PTPN22: variants seen among roughly 807,000 people sequenced by gnomAD.
PTPN22 encodes the protein tyrosine-protein phosphatase non-receptor type 22.
A neutral mutation model predicts 103.3 loss-of-function variants in PTPN22; 85 were observed. The ratio of observed to expected loss-of-function variants is 0.82; its 90% CI spans 0.69 to 0.99. PTPN22 has a LOEUF of 0.99. Among genes scored for constraint, PTPN22 ranks in the 50% least tolerant of loss-of-function variants. The pLI is 0.00. For synonymous variants in PTPN22, 323 were observed against 310.2 expected, an observed-to-expected ratio of 1.04 and a Z score of -0.43; for missense variants, 865 against 936.9, an observed-to-expected ratio of 0.92 and a Z score of 1.00.
intron 11 of PTPN22, among the ~76,000 whole-genome samples, chr1:113,845,822 T>C (rs1390196528): frequency 1.3e-5 from 2 of 152,238 alleles, no homozygotes; most frequent in African/African-American, 2.4e-5. Context: ...TTGTTTGGTC[T>C]ATATACATTT....
intron 4 of PTPN22, 26 bp from the exon 5 acceptor site, chr1:113,857,802 T>G: frequency 1.9e-6 from 3 of 1,590,214 alleles, no homozygotes; most frequent in Non-Finnish European, 2.6e-6. Context: ...GATAGAAACT[T>G]AAACATTCAT....
chr1:113,848,345 G>A (rs992164783), intron 11 of PTPN22, among the ~76,000 whole-genome samples, 195 bp downstream of exon 11: 2 of 151,990 alleles, frequency 1.3e-5, no homozygotes, highest in Non-Finnish European at 2.9e-5. Flanking sequence ...CGGACTTAGT[G>A]AGATTAATTT....
At chr1:113,829,363 A>T (rs574422455) in intron 18 of PTPN22, among the ~76,000 whole-genome samples, 4 of 152,154 alleles carry the variant, frequency 2.6e-5, no homozygotes, top group Non-Finnish European at 5.9e-5. Flanking sequence ...GGTAATAAGC[A>T]TAGTACCCAA....
At chr1:113,860,258 G>A (rs1035263821) in intron 1 of PTPN22, among the ~76,000 whole-genome samples, 2 of 152,028 alleles carry the variant, frequency 1.3e-5, no homozygotes, top group African/African-American at 4.8e-5. Context: ...TTTTATTACT[G>A]TAGATTATCA....
chr1:113,841,531 C>G (rs1393315287), intron 11 of PTPN22, among the ~76,000 whole-genome samples: 2 of 151,668 alleles, frequency 1.3e-5, no homozygotes, highest in Non-Finnish European at 2.9e-5. Context: ...AATCACATAT[C>G]TGATAAGGGA....
chr1:113,849,842 G>A (rs1664404133), intron 10 of PTPN22, among the ~76,000 whole-genome samples: 1 of 151,928 alleles, frequency 6.6e-6, no homozygotes, highest in Non-Finnish European at 1.5e-5. Context: ...ACCTGCCTCA[G>A]CCTCCCAAAG....
intron 9 of PTPN22, among the ~76,000 whole-genome samples, chr1:113,853,353 T>C (rs991253918): frequency 4.2e-4 from 42 of 100,926 alleles, no homozygotes; most frequent in Non-Finnish European, 8.3e-4. Context: ...TTTTTCTTTC[T>C]TTTTTTTTTT....
chr1:113,850,460 C>T (rs1407948792), intron 10 of PTPN22, among the ~76,000 whole-genome samples: 7 of 152,038 alleles, frequency 4.6e-5, no homozygotes, highest in South Asian at 2.1e-4. Context: ...AAATGAAATT[C>T]GTTTTTGAAA....
exon 13 of PTPN22, chr1:113,838,059 G>A: frequency 6.2e-7 from 1 of 1,613,772 alleles, no homozygotes; most frequent in Non-Finnish European, 8.5e-7. Context: ...GAGTTGATTT[G>A]GTCCGTGTTA....
At chr1:113,857,590 G>T in intron 5 of PTPN22, 148 bp downstream of exon 5, 2 of 643,854 alleles carry the variant, frequency 3.1e-6, no homozygotes, top group Non-Finnish European at 5.3e-6. Flanking sequence ...AAAATCCTCT[G>T]AGAATCACGT....
chr1:113,864,347 G>A (rs1171419794), intron 1 of PTPN22: 1 of 381,562 alleles, frequency 2.6e-6, no homozygotes, highest in South Asian at 1.9e-5. Flanking sequence ...CTATGATCAA[G>A]CCACGGCACT....
chr1:113,854,615 C>T, intron 8 of PTPN22, 78 bp from the exon 9 acceptor site: 1 of 1,391,634 alleles, frequency 7.2e-7, no homozygotes, highest in Non-Finnish European at 1.0e-6. Context: ...TGGAAAATTT[C>T]ACCAGCAGAT....
chr1:113,869,986 A>G (rs1399013113), intron 1 of PTPN22, among the ~76,000 whole-genome samples: 2 of 152,128 alleles, frequency 1.3e-5, no homozygotes, highest in East Asian at 3.9e-4. Context: ...TAATCACTCA[A>G]TAATATCTAA....
At chr1:113,850,632 T>C (rs1664497257) in intron 10 of PTPN22, among the ~76,000 whole-genome samples, 1 of 152,246 alleles carries the variant, frequency 6.6e-6, no homozygotes, top group Non-Finnish European at 1.5e-5. Flanking sequence ...ACAGGTTGAA[T>C]ATAGAAAACA....
chr1:113,816,959 A>G (rs1040773479), intron 20 of PTPN22, among the ~76,000 whole-genome samples: 2 of 152,130 alleles, frequency 1.3e-5, no homozygotes, highest in Admixed American at 6.6e-5. Flanking sequence ...CAGAACTGGA[A>G]GAGAAGGAGA....
rs1435716826 is a variant in PTPN22 at position 113,856,690 on chromosome 1, G to A, written c.409-71C>T. The A allele has an allele frequency of 1.4e-5, 23 of 1,601,690 alleles. No individual in the cohort carries two copies. The East Asian group carries it at 5.2e-4, about 36-fold the overall frequency. Reference sequence around the variant, plus strand: ...GTCTTTTCCACTCTCTCATTTGGAAGCAAATTCAGCTCTATGTCCTTCACC... The same window carrying A: ...GTCTTTTCCACTCTCTCATTTGGAAACAAATTCAGCTCTATGTCCTTCACC... On this transcript the variant is annotated intron_variant, in intron 5 of 20. Coordinates refer to ENST00000359785, the Ensembl canonical transcript of PTPN22.
At chr1:113,842,478 A>C (rs890589194) in intron 11 of PTPN22, among the ~76,000 whole-genome samples, 1 of 151,908 alleles carries the variant, frequency 6.6e-6, no homozygotes, top group African/African-American at 2.4e-5. Flanking sequence ...GATTGAGACC[A>C]TCCTGGCTAA....
chr1:113,830,330 T>C (rs1662445039), intron 16 of PTPN22, among the ~76,000 whole-genome samples: 1 of 152,110 alleles, frequency 6.6e-6, no homozygotes, highest in Non-Finnish European at 1.5e-5. Context: ...ATATTGGGCA[T>C]AGAGGATGTT....
exon 21 of PTPN22, chr1:113,813,862 A>T (rs184558983): frequency 6.6e-6 from 1 of 152,472 alleles, no homozygotes; most frequent in East Asian, 1.9e-4. Flanking sequence ...ACATTGTACT[A>T]CAAGAGACAG....
Sources: allele counts gnomAD v4.1 joint callset (sites outside exome capture counted in the v4.1 genomes callset), GRCh38; gene constraint gnomAD v4.1.1; transcripts MANE v1.5; gene names NCBI Gene and HGNC (gene_info 2026-07-23, HGNC 2026-07-21).